Variants in RASGRP1 observed in about 807,000 individuals in gnomAD.
The protein encoded by RASGRP1 is RAS guanyl-releasing protein 1.
Under a neutral mutation model 95.1 loss-of-function variants are expected in RASGRP1, and 37 were observed. That is an observed-to-expected ratio of 0.39 (90% CI 0.30 to 0.51). The LOEUF is 0.51. RASGRP1 is among the 20% of genes least tolerant of loss of function. RASGRP1 has a pLI of 0.80. For synonymous variants in RASGRP1, 325 were observed against 353.4 expected (o/e 0.92, Z 0.90); for missense variants, 711 against 965.4 (o/e 0.74, Z 3.49).
rs747586541 is a variant in RASGRP1, at chr15:38,494,515, G to T, written c.2126C>A (p.Pro709His). ...GACTGGGCTAGGACATGGAGAGGTG[G>T]GACTGGGAAGCACATATAGAGTATC... Reference protein sequence around the residue: ...AQDTLYVLPSPTSPCPSPVLV... With the variant: ...AQDTLYVLPSHTSPCPSPVLV... Residue 709 changes from proline to histidine, a missense_variant, in exon 16 of 17, where the codon CCC becomes CAC. By Grantham distance (77) the Pro-to-His change is moderately conservative (BLOSUM62 -2). Transcript: ENST00000310803. 2 of 1,601,220 alleles carry T rather than the reference G, an allele frequency of 1.2e-6. No individual in the cohort carries two copies. Among genetic ancestry groups the T allele is most frequent in the East Asian group, 2.3e-5 (1 of 44,442 alleles).
chr15:38,555,846 C>T (rs1893534262), intron 2 of RASGRP1, among the ~76,000 whole-genome samples: 1 of 152,110 alleles, frequency 6.6e-6, no homozygotes, highest in Admixed American at 6.6e-5. Flanking sequence ...AGGAGGTCTG[C>T]TTGCTGGGGT....
intron 6 of RASGRP1, among the ~76,000 whole-genome samples, chr15:38,515,685 G>A (rs764921933): frequency 2.6e-5 from 4 of 151,826 alleles, no homozygotes; most frequent in Non-Finnish European, 4.4e-5. Flanking sequence ...GGCTAGGGCA[G>A]TAGAATCTAT....
At chr15:38,502,559 T>C (rs1891077266) in intron 11 of RASGRP1, 138 bp from the exon 12 acceptor site, 3 of 611,670 alleles carry the variant, frequency 4.9e-6, no homozygotes, top group Non-Finnish European at 8.7e-6. Flanking sequence ...AACCTGCTCC[T>C]TTAGCTGTGG....
intron 1 of RASGRP1, among the ~76,000 whole-genome samples, chr15:38,564,000 TTC>T (rs987583873): frequency 6.6e-6 from 1 of 152,198 alleles, no homozygotes. Flanking sequence ...TTTCTTCAAC[TTC>T]TGTTATCCAA....
At chr15:38,527,224 T>C (rs1485733487) in intron 2 of RASGRP1, among the ~76,000 whole-genome samples, 2 of 152,202 alleles carry the variant, frequency 1.3e-5, no homozygotes, top group African/African-American at 4.8e-5. Flanking sequence ...ATGAAAAATA[T>C]CAGCCCACTC....
In RASGRP1 at chr15:38,499,059, C is replaced by A. The variant is rs748299234; in HGVS notation, c.1721-113G>T. 4.3e-6 allele frequency: 6 copies of A among 1,407,102 alleles called. No individual in the cohort carries two copies. The African/African-American group carries it at 8.5e-5, about 20-fold the overall frequency. The allele number at this position is 1,407,102 out of a possible 1,614,324, so 87.2% of individuals were successfully genotyped here. A position where few individuals can be genotyped will look rare whatever the true frequency, so the allele number is the denominator to read the frequency against. ...TTGTCACACATGTCTGTTCTATCTT[C>A]TGGAGCTAAGACACTTAACATTCCT... On this transcript the variant is annotated intron_variant, in intron 14 of 16. Coordinates refer to ENST00000310803, the MANE Select transcript of RASGRP1 (RefSeq NM_005739.4).
intron 13 of RASGRP1, among the ~76,000 whole-genome samples, chr15:38,500,512 T>G (rs1890972085): frequency 6.6e-6 from 1 of 151,646 alleles, no homozygotes; most frequent in South Asian, 2.1e-4. Context: ...CTGGCTAAAT[T>G]TTTTTGTATT....
At chr15:38,547,033 T>TG (rs1445444772) in intron 2 of RASGRP1, among the ~76,000 whole-genome samples, 2 of 152,192 alleles carry the variant, frequency 1.3e-5, no homozygotes, top group African/African-American at 4.8e-5. Context: ...AAACACAGAT[T>TG]GTGTTTAAAT....
chr15:38,502,437 T>G lies in RASGRP1; in HGVS notation c.1429-16A>C, dbSNP rs866359191. The stretch of plus-strand genomic sequence containing the variant: ...TGAAGACAGACTGTGAAAAAGGAGT[T>G]TTTTTGGTGATTACTAAAGAGAAAC... On this transcript the variant is annotated splice_polypyrimidine_tract_variant and intron_variant, in intron 11 of 16. Coordinates refer to ENST00000310803, the MANE Select transcript of RASGRP1 (RefSeq NM_005739.4). The G allele has an allele frequency of 2.0e-6, 3 of 1,502,902 alleles. No individual in the cohort carries two copies. In the Middle Eastern group the frequency reaches 5.1e-4, roughly 257 times the overall value. 93.1% of individuals were successfully genotyped at this position (1,502,902 alleles called of 1,614,324 possible).
At chr15:38,520,838 T>A (rs1244029320) in intron 3 of RASGRP1, among the ~76,000 whole-genome samples, 2 of 152,144 alleles carry the variant, frequency 1.3e-5, no homozygotes, top group African/African-American at 4.8e-5. Flanking sequence ...CATGCTAGAC[T>A]TATGGAAACA....
chr15:38,543,538 G>A (rs764738810), intron 2 of RASGRP1, among the ~76,000 whole-genome samples: 2 of 127,256 alleles, frequency 1.6e-5, no homozygotes, highest in Non-Finnish European at 3.2e-5. Context: ...TTAAACTCTG[G>A]TTACATCATC....
intron 2 of RASGRP1, 34 bp downstream of exon 2, chr15:38,559,787 G>A (rs766088057): frequency 5.7e-6 from 9 of 1,584,044 alleles, no homozygotes; most frequent in Non-Finnish European, 7.8e-6. Flanking sequence ...GTAATAGAGT[G>A]ATTTTTATGC....
intron 2 of RASGRP1, among the ~76,000 whole-genome samples, chr15:38,557,988 T>C (rs1336243705): frequency 1.3e-5 from 2 of 152,148 alleles, no homozygotes; most frequent in Non-Finnish European, 2.9e-5. Flanking sequence ...CTTTGAAGAT[T>C]AGAAAAACAG....
chr15:38,559,189 G>C (rs1477148619), intron 2 of RASGRP1, among the ~76,000 whole-genome samples: 1 of 152,186 alleles, frequency 6.6e-6, no homozygotes, highest in Non-Finnish European at 1.5e-5. Flanking sequence ...AATCTTTTCA[G>C]ATAATTGCTT....
intron 16 of RASGRP1, among the ~76,000 whole-genome samples, chr15:38,493,979 T>C (rs946608887): frequency 6.6e-6 from 1 of 152,216 alleles, no homozygotes; most frequent in African/African-American, 2.4e-5. Flanking sequence ...AAGTTCATTT[T>C]AGTTCCATCT....
chr15:38,535,677 C>T (rs1483010332), intron 2 of RASGRP1, among the ~76,000 whole-genome samples: 3 of 152,206 alleles, frequency 2.0e-5, no homozygotes, highest in Non-Finnish European at 4.4e-5. Flanking sequence ...GCCTGGCTTT[C>T]CTTCCAAAGT....
chr15:38,525,303 A>G (rs1031002453), intron 3 of RASGRP1, among the ~76,000 whole-genome samples: 1 of 152,088 alleles, frequency 6.6e-6, no homozygotes, highest in Non-Finnish European at 1.5e-5. Context: ...GCCAACAAAT[A>G]AGTTTTTAGG....
intron 2 of RASGRP1, among the ~76,000 whole-genome samples, chr15:38,556,405 G>A (rs1224836046): frequency 1.3e-5 from 2 of 152,210 alleles, no homozygotes; most frequent in Non-Finnish European, 1.5e-5. Flanking sequence ...TGAGAACAGT[G>A]TGGGTGGTAA....
chr15:38,491,066 TGTTA>T (rs1344387399), intron 16 of RASGRP1, among the ~76,000 whole-genome samples: 2 of 152,168 alleles, frequency 1.3e-5, no homozygotes, highest in East Asian at 1.9e-4. Context: ...TAATGCAAGG[TGTTA>T]GTTAATTTTA....
Sources: allele counts gnomAD v4.1 joint callset (sites outside exome capture counted in the v4.1 genomes callset), GRCh38; gene constraint gnomAD v4.1.1; transcripts MANE v1.5; gene names NCBI Gene and HGNC (gene_info 2026-07-23, HGNC 2026-07-21).